Variants in CSTPP1 observed in about 807,000 individuals in gnomAD.
CSTPP1 encodes the protein centriolar satellite-associated tubulin polyglutamylase complex regulator 1, also known as UPF0705 protein C11orf49.
the CSTPP1 span, chr11:46,987,160 T>A: frequency 1.9e-6 from 3 of 1,579,090 alleles, no homozygotes; most frequent in Non-Finnish European, 2.6e-6. Context: ...TCATTCTTTT[T>A]AAAATCTTTC....
At chr11:47,070,467 C>A in the CSTPP1 span, among the ~76,000 whole-genome samples, 2 of 152,160 alleles carry the variant, frequency 1.3e-5, no homozygotes, top group South Asian at 4.1e-4. Flanking sequence ...CCACCTCAAA[C>A]GTACTCGACC....
At chr11:46,987,080 C>G in the CSTPP1 span, 2 of 811,410 alleles carry the variant, frequency 2.5e-6, no homozygotes, top group Non-Finnish European at 4.1e-6. Context: ...TTCCAGTCCA[C>G]TGATGAAGTG....
chr11:47,145,286 G>C, the CSTPP1 span, among the ~76,000 whole-genome samples: 1 of 152,082 alleles, frequency 6.6e-6, no homozygotes, highest in Admixed American at 6.5e-5. Context: ...GCACCCGGCT[G>C]TATTGCCTGC....
the CSTPP1 span, among the ~76,000 whole-genome samples, chr11:47,116,555 C>T: frequency 3.3e-5 from 5 of 151,862 alleles, no homozygotes; most frequent in South Asian, 1.0e-3. Flanking sequence ...TTGAATTGAT[C>T]CCTTTACCAT....
At chr11:47,058,171 A>C in the CSTPP1 span, among the ~76,000 whole-genome samples, 2,693 of 152,128 alleles carry the variant, frequency 0.018, 33 homozygotes, top group Non-Finnish European at 0.029. Flanking sequence ...CTGTCTCTAC[A>C]AAAAATTTAA....
the CSTPP1 span, among the ~76,000 whole-genome samples, chr11:47,117,911 A>C: frequency 2.8e-5 from 3 of 108,598 alleles, no homozygotes; most frequent in South Asian, 2.8e-4. Context: ...AGACAGTCTC[A>C]CTGTGTCGCC....
the CSTPP1 span, among the ~76,000 whole-genome samples, chr11:46,971,347 G>A: frequency 6.6e-6 from 1 of 152,106 alleles, no homozygotes; most frequent in Non-Finnish European, 1.5e-5. Context: ...CTTTATATTG[G>A]GACATCTGCA....
At chr11:47,108,846 A>G in the CSTPP1 span, among the ~76,000 whole-genome samples, 1 of 151,236 alleles carries the variant, frequency 6.6e-6, no homozygotes, top group African/African-American at 2.4e-5. Flanking sequence ...AACTGGGATT[A>G]CAGGCGCCGG....
chr11:47,158,060 C>A, the CSTPP1 span: 1 of 738,470 alleles, frequency 1.4e-6, no homozygotes, highest in African/African-American at 1.7e-5. Context: ...GACTCAATCC[C>A]AGGGAGCAGG....
chr11:47,137,353 G>A, the CSTPP1 span: 244 of 1,442,118 alleles, frequency 1.7e-4, 4 homozygotes, highest in South Asian at 2.8e-3. Flanking sequence ...AAAGAAGACT[G>A]ATGAAGGTGC....
At chr11:46,982,548 A>C in the CSTPP1 span, among the ~76,000 whole-genome samples, 5 of 152,162 alleles carry the variant, frequency 3.3e-5, no homozygotes, top group African/African-American at 1.2e-4. Flanking sequence ...TTTAATTGTG[A>C]AATAAACAAC....
the CSTPP1 span, among the ~76,000 whole-genome samples, chr11:47,090,686 A>G: frequency 6.6e-6 from 1 of 152,200 alleles, no homozygotes; most frequent in African/African-American, 2.4e-5. Flanking sequence ...TACATGAATT[A>G]TAGTATTGAG....
At chr11:47,080,023 G>A in the CSTPP1 span, among the ~76,000 whole-genome samples, 1 of 152,070 alleles carries the variant, frequency 6.6e-6, no homozygotes, top group Admixed American at 6.6e-5. Context: ...CGTGAACCCG[G>A]AGGCAAAGGT....
the CSTPP1 span, chr11:47,164,119 C>G: frequency 1.2e-6 from 2 of 1,613,404 alleles, no homozygotes; most frequent in African/African-American, 1.3e-5. Context: ...CTGCACCGGA[C>G]CTCACGGCAG....
chr11:46,950,420 G>A, the CSTPP1 span, among the ~76,000 whole-genome samples: 1 of 151,878 alleles, frequency 6.6e-6, no homozygotes, highest in Non-Finnish European at 1.5e-5. Flanking sequence ...TGATCCGCCT[G>A]CCTCGGCCTC....
At chr11:46,942,780 C>T in the CSTPP1 span, among the ~76,000 whole-genome samples, 1 of 152,068 alleles carries the variant, frequency 6.6e-6, no homozygotes, top group Non-Finnish European at 1.5e-5. Context: ...ATCATCTTCT[C>T]ATTTTATAAA....
chr11:47,116,235 A>C, the CSTPP1 span, among the ~76,000 whole-genome samples: 1 of 152,142 alleles, frequency 6.6e-6, no homozygotes, highest in Non-Finnish European at 1.5e-5. Context: ...TTTACTTCCA[A>C]TTATGTGGTC....
At chr11:47,030,870 G>T in the CSTPP1 span, among the ~76,000 whole-genome samples, 4 of 152,146 alleles carry the variant, frequency 2.6e-5, no homozygotes, top group Non-Finnish European at 5.9e-5. Context: ...TTCTATGGCT[G>T]CAGACTATTC....
At chr11:47,147,459 T>C in the CSTPP1 span, among the ~76,000 whole-genome samples, 1 of 152,076 alleles carries the variant, frequency 6.6e-6, no homozygotes, top group Non-Finnish European at 1.5e-5. Flanking sequence ...TATTCTAAGG[T>C]CTGTGGACCA....
Sources: gnomAD v4.1 joint callset for allele counts (sites outside exome capture counted in the v4.1 genomes callset) on GRCh38, gnomAD v4.1.1 for gene constraint, MANE v1.5 for transcripts, NCBI Gene and HGNC (gene_info 2026-07-23, HGNC 2026-07-21) for gene names.